CDH4: variants seen among roughly 807,000 people sequenced by gnomAD.
The protein encoded by CDH4 is cadherin-4.
CDH4 carries 33 observed loss-of-function variants against 86.0 expected under a neutral mutation model. The observed-to-expected ratio is 0.38, with a 90% CI of 0.29 to 0.51. CDH4 has a LOEUF of 0.51. Among genes scored for constraint, CDH4 ranks in the 20% least tolerant of loss-of-function variants. The pLI is 0.86. For synonymous variants in CDH4, 555 were observed against 549.4 expected, an observed-to-expected ratio of 1.01 and a Z score of -0.14; for missense variants, 1,114 against 1,307.4, an observed-to-expected ratio of 0.85 and a Z score of 2.28.
At chr20:61,791,936 G>T (rs185200094) in intron 4 of CDH4, among the ~76,000 whole-genome samples, 6 of 151,924 alleles carry the variant, frequency 3.9e-5, no homozygotes, top group African/African-American at 7.3e-5. Flanking sequence ...AGGTCCCAGG[G>T]CCCCCAGCCA....
At chr20:61,635,386 C>T (rs1303518465) in intron 2 of CDH4, among the ~76,000 whole-genome samples, 2 of 152,308 alleles carry the variant, frequency 1.3e-5, no homozygotes, top group Non-Finnish European at 2.9e-5. Context: ...ACCCAGTCAC[C>T]GCCCCTGGGA....
intron 2 of CDH4, among the ~76,000 whole-genome samples, chr20:61,665,008 G>A (rs187072917): frequency 7.9e-5 from 12 of 152,340 alleles, no homozygotes; most frequent in African/African-American, 2.2e-4. Flanking sequence ...CAACCCATTC[G>A]TCTGAGATTG....
rs551553976 is a variant in CDH4, at chr20:61,473,724, G to A, written c.169+218787G>A. Among the ~76,000 whole-genome samples the A allele has an allele frequency of 3.9e-5, 6 of 152,084 alleles. No homozygotes were observed. In the South Asian group the frequency reaches 1.2e-3, roughly 32 times the overall value. ...TTTAATAAGTTGATGAGTGCGGAAT[G>A]GCATGCACACATACACACACACAGA... On this transcript the variant is annotated intron_variant, in intron 2 of 15. Transcript: ENST00000614565.
chr20:61,601,603 G>A (rs548960973), intron 2 of CDH4, among the ~76,000 whole-genome samples: 1 of 152,320 alleles, frequency 6.6e-6, no homozygotes, highest in African/African-American at 2.4e-5. Context: ...GCCCTCCTGT[G>A]TGTGTGCCCA....
chr20:61,253,551 C>T (rs1341798362), intron 1 of CDH4, among the ~76,000 whole-genome samples: 1 of 151,872 alleles, frequency 6.6e-6, no homozygotes, highest in African/African-American at 2.4e-5. Context: ...TCCGAGGCCG[C>T]GGGGCGCTGG....
chr20:61,765,968 C>T (rs986890555), intron 3 of CDH4, among the ~76,000 whole-genome samples: 1 of 152,050 alleles, frequency 6.6e-6, no homozygotes, highest in African/African-American at 2.4e-5. Context: ...CTTAGGCCCA[C>T]CCCCGCGCCT....
chr20:61,612,001 T>G (rs1239627024), intron 2 of CDH4, among the ~76,000 whole-genome samples: 1 of 152,120 alleles, frequency 6.6e-6, no homozygotes, highest in Non-Finnish European at 1.5e-5. Context: ...ATTTTTCTTG[T>G]GGTTTTGCAA....
At chr20:61,452,848 C>T (rs1202582593) in intron 2 of CDH4, among the ~76,000 whole-genome samples, 1 of 152,142 alleles carries the variant, frequency 6.6e-6, no homozygotes, top group Non-Finnish European at 1.5e-5. Flanking sequence ...AAACAGAAAA[C>T]TGAGTGACAC....
intron 2 of CDH4, among the ~76,000 whole-genome samples, chr20:61,548,329 G>A (rs2086103701): frequency 6.6e-6 from 1 of 152,132 alleles, no homozygotes; most frequent in African/African-American, 2.4e-5. Flanking sequence ...GCAGGCAGGT[G>A]GAAGGAGGGA....
rs1406818505 is a variant in CDH4 at position 61,754,699 on chromosome 20, C to T, written c.396+10910C>T. Among the ~76,000 whole-genome samples, 1 of 148,630 alleles carries T rather than the reference C, an allele frequency of 6.7e-6. No individual in the cohort carries two copies. The highest frequency in any genetic ancestry group is 1.5e-5 in the Non-Finnish European group (1 of 67,192). On this transcript the variant is annotated intron_variant, in intron 3 of 15. Coordinates refer to ENST00000614565, the MANE Select transcript of CDH4 (RefSeq NM_001794.5). The surrounding 1 kb of genome is among the most constrained non-coding windows in gnomAD (Gnocchi z 4.7). ...CACTATGCACACCACACACACAGTGCATGCCACACACACCGCACACACACT... is the reference window on the plus strand; with the variant it reads ...CACTATGCACACCACACACACAGTGTATGCCACACACACCGCACACACACT...
chr20:61,291,142 C>G (rs910861171), intron 2 of CDH4, among the ~76,000 whole-genome samples: 3 of 152,208 alleles, frequency 2.0e-5, no homozygotes, highest in African/African-American at 7.2e-5. Flanking sequence ...CTTTTCCAGT[C>G]ATCCTCCCCC....
At chr20:61,338,258 C>CT (rs2084630190) in intron 2 of CDH4, among the ~76,000 whole-genome samples, 1 of 151,892 alleles carries the variant, frequency 6.6e-6, no homozygotes, top group East Asian at 2.0e-4. Flanking sequence ...TATCAAGGTA[C>CT]TTTAACTTGG....
At chr20:61,380,967 A>AT (rs2084897389) in intron 2 of CDH4, among the ~76,000 whole-genome samples, 1 of 152,260 alleles carries the variant, frequency 6.6e-6, no homozygotes, top group South Asian at 2.1e-4. Context: ...ATCCTTTATA[A>AT]TCTAGCAAAT....
At position 61,709,913 on chromosome 20, in the gene CDH4, G is replaced by A. The variant is rs954801795; in HGVS notation, c.170-33650G>A. Among the ~76,000 whole-genome samples, 2 of 152,190 alleles carry A rather than the reference G, an allele frequency of 1.3e-5. No homozygotes were observed. Among genetic ancestry groups the A allele is most frequent in the Non-Finnish European group, 2.9e-5 (2 of 68,040 alleles). On this transcript the variant is annotated intron_variant, in intron 2 of 15. Coordinates refer to ENST00000614565, the MANE Select transcript of CDH4 (RefSeq NM_001794.5). The surrounding 1 kb of genome is among the most constrained non-coding windows in gnomAD (Gnocchi z 4.8). ...GATGATCACGTCTGTTTTTGTAGCC[G>A]TGTGAGAGTTTTTTTCATTAGCGGG...
Position 61,934,093 on chromosome 20 carries a change from T to G in CDH4, c.2417T>G (p.Met806Arg). 1 of 1,611,324 alleles carries G rather than the reference T, an allele frequency of 6.2e-7. No homozygotes were observed. Among genetic ancestry groups the G allele is most frequent in the Non-Finnish European group, 8.5e-7 (1 of 1,179,830 alleles). Residue 806 changes from methionine (M) to arginine (R), a missense_variant, in exon 15 of 16, where the codon ATG (methionine) becomes AGG (arginine). Around this residue, in one of 3 missense-constraint regions of CDH4, gnomAD observed 188 missense variants for 183.8 expected, o/e 1.02. Transcript: ENST00000614565. Reference sequence around the variant, plus strand: ...AGCCAGCTGCAGCAGCCGGAAGCCATGGGGCACGTGCCAAGCAAAGCCCCT... The same window carrying G: ...AGCCAGCTGCAGCAGCCGGAAGCCAGGGGGCACGTGCCAAGCAAAGCCCCT... ...DLSQLQQPEA[M>R]GHVPSKAPGV...
chr20:61,873,208 CAG>C (rs1983880155), intron 6 of CDH4, among the ~76,000 whole-genome samples: 1 of 152,194 alleles, frequency 6.6e-6, no homozygotes, highest in African/African-American at 2.4e-5. Context: ...CCTCCCTGCT[CAG>C]AGTCCCTTCT....
intron 2 of CDH4, among the ~76,000 whole-genome samples, chr20:61,407,477 T>C (rs929827991): frequency 6.6e-6 from 1 of 152,208 alleles, no homozygotes; most frequent in Non-Finnish European, 1.5e-5. Context: ...AGACAAATCA[T>C]TGTGGGTGAA....
intron 9 of CDH4, among the ~76,000 whole-genome samples, chr20:61,916,281 G>A (rs1250994989): frequency 6.6e-6 from 1 of 152,130 alleles, no homozygotes; most frequent in Admixed American, 6.5e-5. Flanking sequence ...AGTATCTTGA[G>A]GGCATCTGTT....
intron 4 of CDH4, among the ~76,000 whole-genome samples, chr20:61,773,430 G>A (rs985881577): frequency 1.3e-5 from 2 of 152,220 alleles, no homozygotes; most frequent in East Asian, 3.9e-4. Context: ...TCAAGTGGCT[G>A]CTGTGTGTGT....
Sources: allele counts gnomAD v4.1 joint callset (sites outside exome capture counted in the v4.1 genomes callset), GRCh38; gene constraint gnomAD v4.1.1; regional missense constraint gnomAD v4.1.1; non-coding constraint Gnocchi (gnomAD v3.1); transcripts MANE v1.5; gene names NCBI Gene and HGNC (gene_info 2026-07-23, HGNC 2026-07-21).